Variants in MAP3K13 observed in about 807,000 individuals in gnomAD.
MAP3K13 encodes leucine zipper-bearing kinase.
MAP3K13 carries 52 observed loss-of-function variants against 104.0 expected under a neutral mutation model. The ratio of observed to expected loss-of-function variants is 0.50; its 90% CI spans 0.40 to 0.63. MAP3K13 has a LOEUF of 0.63. MAP3K13 is among the 20% of genes least tolerant of loss of function. The probability of loss-of-function intolerance (pLI) is 0.00; values close to 1 mark genes in which losing one functional copy is unlikely to be tolerated. For missense variants in MAP3K13, 914 were observed against 1,218.5 expected, an observed-to-expected ratio of 0.75 and a Z score of 3.72; for synonymous variants, 394 against 442.2, an observed-to-expected ratio of 0.89 and a Z score of 1.37.
At chr3:185,367,094 T>A (rs116239611) in intron 1 of MAP3K13, among the ~76,000 whole-genome samples, 1 of 152,206 alleles carries the variant, frequency 6.6e-6, no homozygotes, top group Non-Finnish European at 1.5e-5. Flanking sequence ...TTTTGAGTTA[T>A]TTTTTGTGTG....
At chr3:185,365,929 TTCCCTCCC>T (rs1333200811) in intron 1 of MAP3K13, among the ~76,000 whole-genome samples, 1 of 20,694 alleles carries the variant, frequency 4.8e-5, no homozygotes, top group Non-Finnish European at 1.2e-4. Context: ...CCCCTTTCCC[TTCCCTCCC>T]TCCCTCCCTC....
At chr3:185,347,122 G>A (rs1045606415) in intron 2 of MAP3K13, among the ~76,000 whole-genome samples, 3 of 151,712 alleles carry the variant, frequency 2.0e-5, no homozygotes, top group Non-Finnish European at 4.4e-5. Flanking sequence ...GAGTAGCTGG[G>A]ATTACAGGTG....
At chr3:185,327,264 C>CT (rs1483673110) in intron 2 of MAP3K13, among the ~76,000 whole-genome samples, 1 of 152,174 alleles carries the variant, frequency 6.6e-6, no homozygotes, top group East Asian at 1.9e-4. Context: ...AAGTTCACTG[C>CT]TTTTCAAGGA....
rs548048728 is a variant in MAP3K13, at chr3:185,455,034, T to C, written c.1278+3639T>C. ...ATATATATGATATATATGAGATATATATGATATATATATGAGATATATGTG... is the reference window on the plus strand; with the variant it reads ...ATATATATGATATATATGAGATATACATGATATATATATGAGATATATGTG... On this transcript the variant is annotated intron_variant, in intron 7 of 13. Transcript: ENST00000265026. Among the ~76,000 whole-genome samples the C allele has an allele frequency of 1.9e-3, 223 of 115,588 alleles. 17 individuals carry two copies. The highest frequency in any genetic ancestry group is 0.013 in the Middle Eastern group (1 of 76). The allele number at this position is 115,588 out of a possible 152,430, so 75.8% of individuals were successfully genotyped here.
At chr3:185,356,136 G>GACATTTTAAAATAATAATA (rs561829921) in intron 2 of MAP3K13, among the ~76,000 whole-genome samples, 3 of 152,174 alleles carry the variant, frequency 2.0e-5, no homozygotes, top group Admixed American at 2.0e-4. Flanking sequence ...TCGAACTTTT[G>GACATTTTAAAATAATAATA]ATGGTGACAA....
In MAP3K13 at chr3:185,482,237, G is replaced by T; in HGVS notation, c.2800-118G>T. 1 of 713,982 alleles carries T rather than the reference G, an allele frequency of 1.4e-6. No individual in the cohort carries two copies. Among genetic ancestry groups the T allele is most frequent in the East Asian group, 2.5e-5 (1 of 40,510 alleles). The allele number at this position is 713,982 out of a possible 1,614,324, so 44.2% of individuals were successfully genotyped here. A position where few individuals can be genotyped will look rare whatever the true frequency, so the allele number is the denominator to read the frequency against. On this transcript the variant is annotated intron_variant, in intron 13 of 13. Transcript: ENST00000265026. This position sits in a 1 kb window ranked among gnomAD's most constrained non-coding sequence, Gnocchi z 4.5. Reference sequence around the variant, plus strand: ...ATAAGTCCCACAAGGACAGGACCTGGTCTCGTTTACCTTTGTAGCCCCCTT... The same window carrying T: ...ATAAGTCCCACAAGGACAGGACCTGTTCTCGTTTACCTTTGTAGCCCCCTT...
At chr3:185,356,070 T>C (rs1048326033) in intron 2 of MAP3K13, among the ~76,000 whole-genome samples, 6 of 152,200 alleles carry the variant, frequency 3.9e-5, no homozygotes, top group Non-Finnish European at 7.4e-5. Context: ...GTCACTGACT[T>C]CAAAATATCA....
At chr3:185,332,760 A>T (rs1722331663) in intron 2 of MAP3K13, among the ~76,000 whole-genome samples, 1 of 152,188 alleles carries the variant, frequency 6.6e-6, no homozygotes, top group East Asian at 1.9e-4. Flanking sequence ...CATTGTATGT[A>T]TATGCCATGT....
chr3:185,374,275 A>G (rs1033586377), intron 1 of MAP3K13, among the ~76,000 whole-genome samples: 4 of 152,096 alleles, frequency 2.6e-5, no homozygotes, highest in Non-Finnish European at 5.9e-5. Flanking sequence ...ATAAAACAAA[A>G]TAGTGGTAAA....
chr3:185,392,747 G>C (rs1354562883), intron 1 of MAP3K13, among the ~76,000 whole-genome samples: 1 of 152,052 alleles, frequency 6.6e-6, no homozygotes, highest in Non-Finnish European at 1.5e-5. Context: ...CAATTAGTGA[G>C]AATTAAAATA....
intron 2 of MAP3K13, among the ~76,000 whole-genome samples, chr3:185,433,977 G>C (rs868651302): frequency 1.6e-4 from 10 of 62,192 alleles, no homozygotes; most frequent in Admixed American, 3.3e-4. Flanking sequence ...AAATAGCAAT[G>C]TGGAAAAAAA....
intron 2 of MAP3K13, among the ~76,000 whole-genome samples, chr3:185,313,716 A>G (rs1721577480): frequency 7.2e-6 from 1 of 139,472 alleles, no homozygotes; most frequent in African/African-American, 2.6e-5. Context: ...TACAGACATG[A>G]AAAACATGAA....
In MAP3K13 at chr3:185,473,512, C is replaced by T. The variant is rs1374804788; in HGVS notation, c.2181C>T (p.Asp727=). 6.8e-6 allele frequency: 11 copies of T among 1,614,114 alleles called. No homozygotes were observed. The highest frequency in any genetic ancestry group is 1.7e-5 in the Admixed American group (1 of 60,006). Residue 727 remains aspartate (D), a synonymous_variant, in exon 11 of 14, where the codon GAC becomes GAT. Coordinates refer to ENST00000265026, the MANE Select transcript of MAP3K13 (RefSeq NM_004721.5). The surrounding 1 kb of genome is among the most constrained non-coding windows in gnomAD (Gnocchi z 4.9). ...QAGPWGCCQA[D]AYDPCLQCRP... ...GTCCCTGGGGCTGTTGCCAGGCTGA[C>T]GCTTATGACCCCTGCCTTCAGTGCA...
intron 1 of MAP3K13, among the ~76,000 whole-genome samples, chr3:185,399,183 A>T (rs570917442): frequency 1.3e-5 from 2 of 152,254 alleles, no homozygotes; most frequent in African/African-American, 4.8e-5. Flanking sequence ...TGTGTATATT[A>T]GTGTTAGTGA....
rs1720624307 is a variant in MAP3K13 at position 185,288,616 on chromosome 3, G to A, written c.-86+2973G>A. Among the ~76,000 whole-genome samples the A allele has an allele frequency of 2.0e-5, 3 of 151,454 alleles. No individual in the cohort carries two copies. In the Admixed American group the frequency reaches 2.0e-4, roughly 10 times the overall value. ...AGAAAAAATAAATAAATAAATAAGTGCATTAAGGCCTTAGAGCTGGGCCTG... is the reference window on the plus strand; with the variant it reads ...AGAAAAAATAAATAAATAAATAAGTACATTAAGGCCTTAGAGCTGGGCCTG... On this transcript the variant is annotated intron_variant, in intron 2 of 14. Transcript: ENST00000424227.
intron 1 of MAP3K13, among the ~76,000 whole-genome samples, chr3:185,411,190 C>G (rs1183334459): frequency 6.6e-6 from 1 of 151,922 alleles, no homozygotes; most frequent in Admixed American, 6.6e-5. Flanking sequence ...TACCATGATT[C>G]AAGAACAGCT....
At chr3:185,385,535 A>T (rs1170579732) in intron 1 of MAP3K13, among the ~76,000 whole-genome samples, 1 of 151,776 alleles carries the variant, frequency 6.6e-6, no homozygotes, top group Non-Finnish European at 1.5e-5. Flanking sequence ...TCCAAAAAAA[A>T]TGAAGAGGAG....
intron 2 of MAP3K13, among the ~76,000 whole-genome samples, chr3:185,285,929 C>T (rs1366236689): frequency 2.6e-5 from 4 of 152,056 alleles, no homozygotes; most frequent in African/African-American, 9.7e-5. Flanking sequence ...CACTTTACAT[C>T]CGGGTAGAAA....
intron 2 of MAP3K13, among the ~76,000 whole-genome samples, chr3:185,310,609 C>CT: frequency 6.6e-6 from 1 of 152,050 alleles, no homozygotes; most frequent in Non-Finnish European, 1.5e-5. Flanking sequence ...GGATGAAGAA[C>CT]TCTTTTGACA....
Sources: gnomAD v4.1 joint callset for allele counts (sites outside exome capture counted in the v4.1 genomes callset) on GRCh38, gnomAD v4.1.1 for gene constraint, Gnocchi (gnomAD v3.1) non-coding constraint, MANE v1.5 for transcripts, NCBI Gene and HGNC (gene_info 2026-07-23, HGNC 2026-07-21) for gene names.